Variants in HSF2BP observed in about 807,000 individuals in gnomAD.
HSF2BP encodes the protein heat shock factor 2-binding protein.
In HSF2BP, 35 loss-of-function variants were observed where a neutral mutation model predicts 35.0. That is an observed-to-expected ratio of 1.00 (90% CI 0.76 to 1.32). The LOEUF (loss-of-function observed/expected upper bound fraction) is 1.32, where lower values mean the gene tolerates loss of function less well. Ranked by LOEUF, HSF2BP falls within the 40% of genes most tolerant of loss-of-function variation. HSF2BP has a pLI of 0.00. For synonymous variants in HSF2BP, 114 were observed against 117.4 expected, an observed-to-expected ratio of 0.97 and a Z score of 0.18; for missense variants, 326 against 321.7, an observed-to-expected ratio of 1.01 and a Z score of -0.10.
At chr21:43,607,282 C>G (rs1292209784) in intron 7 of HSF2BP, among the ~76,000 whole-genome samples, 2 of 150,220 alleles carry the variant, frequency 1.3e-5, no homozygotes, top group African/African-American at 4.9e-5. Context: ...AGGGTGAGAC[C>G]CTGTCTCAAA....
At chr21:43,625,457 G>A (rs533387672) in intron 6 of HSF2BP, among the ~76,000 whole-genome samples, 31 of 152,296 alleles carry the variant, frequency 2.0e-4, no homozygotes, top group Admixed American at 1.9e-3. Flanking sequence ...AGGATGGCGT[G>A]CAGGAAGTCT....
At chr21:43,615,935 G>A in intron 6 of HSF2BP, among the ~76,000 whole-genome samples, 1 of 151,484 alleles carries the variant, frequency 6.6e-6, no homozygotes, top group East Asian at 1.9e-4. Flanking sequence ...TGCCAAACCT[G>A]ACCAAACTGT....
intron 8 of HSF2BP, among the ~76,000 whole-genome samples, chr21:43,578,296 G>A (rs562048961): frequency 3.5e-4 from 54 of 152,138 alleles, no homozygotes; most frequent in African/African-American, 1.3e-3. Context: ...CCTGGGCCCT[G>A]CTCCATACTC....
chr21:43,616,618 A>G (rs1280513695), intron 6 of HSF2BP, among the ~76,000 whole-genome samples: 1 of 151,640 alleles, frequency 6.6e-6, no homozygotes, highest in Non-Finnish European at 1.5e-5. Flanking sequence ...ACTCCAGCCT[A>G]GGAGACAGAG....
chr21:43,606,163 G>A (rs2082132828), intron 7 of HSF2BP, among the ~76,000 whole-genome samples: 2 of 152,184 alleles, frequency 1.3e-5, no homozygotes, highest in Admixed American at 6.5e-5. Context: ...GATCACACCC[G>A]AGGTCTGCCT....
chr21:43,641,990 C>A (rs1208302475), intron 4 of HSF2BP, among the ~76,000 whole-genome samples: 1 of 151,704 alleles, frequency 6.6e-6, no homozygotes, highest in African/African-American at 2.4e-5. Context: ...TTCCTGGGTC[C>A]TCAATTCTAT....
intron 8 of HSF2BP, among the ~76,000 whole-genome samples, chr21:43,587,538 G>T (rs1021712314): frequency 1.3e-5 from 2 of 151,978 alleles, no homozygotes; most frequent in African/African-American, 4.8e-5. Flanking sequence ...GGTGGTACAT[G>T]CCTGTAATCC....
At chr21:43,592,369 C>T in intron 7 of HSF2BP, 41 bp from the exon 8 acceptor site, 1 of 1,283,332 alleles carries the variant, frequency 7.8e-7, no homozygotes, top group Non-Finnish European at 1.1e-6. Context: ...GCTCCATCCA[C>T]ACTACATTTC....
chr21:43,627,324 T>C (rs989333104), intron 6 of HSF2BP, among the ~76,000 whole-genome samples: 19 of 152,222 alleles, frequency 1.2e-4, no homozygotes, highest in African/African-American at 4.3e-4. Flanking sequence ...ATTATATAAT[T>C]ATTATACTAA....
intron 2 of HSF2BP, among the ~76,000 whole-genome samples, chr21:43,657,697 T>G (rs570828095): frequency 6.6e-6 from 1 of 152,386 alleles, no homozygotes; most frequent in African/African-American, 2.4e-5. Flanking sequence ...AGATTCTCTC[T>G]AAGCCTGACG....
At chr21:43,617,183 T>G (rs2082282034) in intron 6 of HSF2BP, among the ~76,000 whole-genome samples, 1 of 152,058 alleles carries the variant, frequency 6.6e-6, no homozygotes, top group African/African-American at 2.4e-5. Flanking sequence ...TGAGGAGGTT[T>G]GTTACACAGC....
intron 7 of HSF2BP, among the ~76,000 whole-genome samples, chr21:43,604,380 C>A (rs1455751108): frequency 7.1e-6 from 1 of 140,056 alleles, no homozygotes; most frequent in Non-Finnish European, 1.6e-5. Context: ...ACGCACACCA[C>A]ACACACACCA....
chr21:43,589,676 T>C (rs146426101), intron 8 of HSF2BP, among the ~76,000 whole-genome samples: 1 of 152,202 alleles, frequency 6.6e-6, no homozygotes, highest in African/African-American at 2.4e-5. Context: ...AATAGATGAA[T>C]GGAACAGAAC....
chr21:43,649,220 T>C (rs777803214), intron 3 of HSF2BP, among the ~76,000 whole-genome samples: 1 of 151,994 alleles, frequency 6.6e-6, no homozygotes, highest in Non-Finnish European at 1.5e-5. Flanking sequence ...CGCCTGGCCT[T>C]TTGTTTGTTT....
In HSF2BP at chr21:43,656,726, A is replaced by G. The variant is rs1033864598; in HGVS notation, c.48T>C (p.Thr16=). The change falls in exon 3 of 9, where the codon ACT becomes ACC. Residue 16 remains threonine (T), a synonymous_variant. Coordinates refer to ENST00000291560, the MANE Select transcript of HSF2BP (RefSeq NM_007031.2). ...TTCTGACTTTAACAAATTCCTCTTT[A>G]GTTCCCATGTGCTAAAAGAACAAGC... is the stretch of plus-strand genomic sequence containing the variant. ...AAEEACRHMG[T]KEEFVKVRKK... The G allele has an allele frequency of 4.3e-6, 7 of 1,611,890 alleles. No homozygotes were observed. The highest frequency in any genetic ancestry group is 5.9e-6 in the Non-Finnish European group (7 of 1,179,478).
rs1297817331 is a variant in HSF2BP, at chr21:43,597,498, C to T, written c.693-5170G>A. On this transcript the variant is annotated intron_variant, in intron 7 of 8. Coordinates refer to ENST00000291560, the MANE Select transcript of HSF2BP (RefSeq NM_007031.2). The surrounding 1 kb of genome is among the most constrained non-coding windows in gnomAD (Gnocchi z 4.3). ...ATTTTAAAAAAATATATTAAAAATGCCCTAATAAGCAAAACTTTAATTTTT... is the reference window on the plus strand; with the variant it reads ...ATTTTAAAAAAATATATTAAAAATGTCCTAATAAGCAAAACTTTAATTTTT... Among the ~76,000 whole-genome samples the T allele has an allele frequency of 1.3e-5, 2 of 151,978 alleles. No homozygotes were observed. Among genetic ancestry groups the T allele is most frequent in the Admixed American group, 1.3e-4 (2 of 15,266 alleles).
At position 43,592,307 on chromosome 21, in the gene HSF2BP, G is replaced by GC; in HGVS notation, c.713_714insG (p.Tyr238Ter). 1 of 1,612,280 alleles carries GC rather than the reference G, an allele frequency of 6.2e-7. No individual in the cohort carries two copies. The highest frequency in any genetic ancestry group is 8.5e-7 in the Non-Finnish European group (1 of 1,178,368). The change falls in exon 8 of 9, where the codon TAC becomes TAGC. Residue 238 changes from tyrosine (Y) to a stop codon, truncating the protein, a stop_gained and frameshift_variant. Coordinates refer to ENST00000291560, the MANE Select transcript of HSF2BP (RefSeq NM_007031.2). LOFTEE classifies it high-confidence loss of function. ...KLKVLMLMSL[Y>*]NVSINLKGLK... ...AGCCTTTCAAATTGATGCTTACATT[G>GC]TATAGGGACATCAGCATTAGCCTGA... is the stretch of plus-strand genomic sequence containing the variant.
intron 3 of HSF2BP, among the ~76,000 whole-genome samples, chr21:43,649,476 C>T (rs938556397): frequency 5.3e-5 from 8 of 151,990 alleles, no homozygotes; most frequent in African/African-American, 1.7e-4. Context: ...ATCTCACCAG[C>T]GTATCATGGC....
chr21:43,584,472 G>A (rs2081819610), intron 8 of HSF2BP, among the ~76,000 whole-genome samples: 1 of 152,202 alleles, frequency 6.6e-6, no homozygotes, highest in Non-Finnish European at 1.5e-5. Context: ...CCACCCAACT[G>A]GCTGAAGGCA....
Sources: allele counts gnomAD v4.1 joint callset (sites outside exome capture counted in the v4.1 genomes callset), GRCh38; gene constraint gnomAD v4.1.1; non-coding constraint Gnocchi (gnomAD v3.1); transcripts MANE v1.5; gene names NCBI Gene and HGNC (gene_info 2026-07-23, HGNC 2026-07-21).